HS3ST4: variants seen among roughly 807,000 people sequenced by gnomAD.
HS3ST4 encodes heparan sulfate-glucosamine 3-sulfotransferase 4.
A neutral mutation model predicts 29.2 loss-of-function variants in HS3ST4; 17 were observed. That is an observed-to-expected ratio of 0.58 (90% CI 0.40 to 0.87). The LOEUF is 0.87. Ranked by LOEUF, HS3ST4 falls within the 40% of genes least tolerant of loss-of-function variation. HS3ST4 has a pLI of 0.00. For synonymous variants in HS3ST4, 314 were observed against 285.7 expected (o/e 1.10, Z -1.00); for missense variants, 627 against 634.5 (o/e 0.99, Z 0.13).
intron 1 of HS3ST4, among the ~76,000 whole-genome samples, chr16:25,945,031 A>T (rs571660315): frequency 6.6e-6 from 1 of 152,344 alleles, no homozygotes; most frequent in South Asian, 2.1e-4. Context: ...AACAAAACAG[A>T]ATATTAGATA....
chr16:26,057,924 G>A (rs1373085366), intron 1 of HS3ST4, among the ~76,000 whole-genome samples: 2 of 152,090 alleles, frequency 1.3e-5, no homozygotes, highest in Non-Finnish European at 2.9e-5. Flanking sequence ...GGAGTTTCAG[G>A]AAACATCTCA....
At chr16:25,985,763 T>C (rs997016768) in intron 1 of HS3ST4, among the ~76,000 whole-genome samples, 3 of 152,270 alleles carry the variant, frequency 2.0e-5, no homozygotes, top group African/African-American at 7.2e-5. Context: ...AATGGTTCAC[T>C]ACAGCCTCAA....
At chr16:25,781,331 C>G (rs971879527) in intron 1 of HS3ST4, among the ~76,000 whole-genome samples, 1 of 152,186 alleles carries the variant, frequency 6.6e-6, no homozygotes, top group African/African-American at 2.4e-5. Flanking sequence ...ACACCAGCAC[C>G]CTTAGTTGCT....
Position 25,912,462 on chromosome 16 carries a change from AG to A in HS3ST4, c.734+219313del, listed in dbSNP as rs1968250550. Among the ~76,000 whole-genome samples, 3 of 149,992 alleles carry A rather than the reference AG, an allele frequency of 2.0e-5. No homozygotes were observed. In the South Asian group the frequency reaches 6.5e-4, roughly 32 times the overall value. On this transcript the variant is annotated intron_variant, in intron 1 of 1. Coordinates refer to ENST00000331351, the MANE Select transcript of HS3ST4 (RefSeq NM_006040.3). ...TAAAATGTCACTCCTTCGAGGAGGA[AG>A]GCTGAGTCAGCAGGAGCACTGTCCC... is the stretch of plus-strand genomic sequence containing the variant.
chr16:25,819,119 C>T (rs1967122669), intron 1 of HS3ST4, among the ~76,000 whole-genome samples: 1 of 152,150 alleles, frequency 6.6e-6, no homozygotes. Context: ...CCATTCTCTT[C>T]CTAGGAAGAT....
intron 1 of HS3ST4, among the ~76,000 whole-genome samples, chr16:25,764,661 G>A (rs1415973554): frequency 2.6e-5 from 4 of 152,202 alleles, no homozygotes; most frequent in Admixed American, 2.0e-4. Context: ...AATAGGGATG[G>A]CACATTGATA....
chr16:25,828,618 G>A (rs761192431), intron 1 of HS3ST4, among the ~76,000 whole-genome samples: 13 of 151,952 alleles, frequency 8.6e-5, no homozygotes, highest in African/African-American at 1.2e-4. Context: ...TGGGATTATC[G>A]GTGTCAGCTA....
intron 1 of HS3ST4, among the ~76,000 whole-genome samples, chr16:25,719,408 C>T (rs1567226426): frequency 6.6e-6 from 1 of 152,186 alleles, no homozygotes; most frequent in Non-Finnish European, 1.5e-5. Flanking sequence ...TTAATAAATG[C>T]AAAGTGTGTC....
intron 1 of HS3ST4, among the ~76,000 whole-genome samples, chr16:26,081,621 G>T (rs1898724642): frequency 1.3e-5 from 2 of 152,096 alleles, no homozygotes; most frequent in Non-Finnish European, 2.9e-5. Context: ...GATTGACAAT[G>T]TCTAAACTGA....
chr16:25,882,483 A>G lies in HS3ST4; in HGVS notation c.734+189332A>G, dbSNP rs191634863. 5.1e-4 allele frequency among the ~76,000 whole-genome samples: 78 copies of G among 152,272 alleles called. 1 individual carries two copies. In the East Asian group the frequency reaches 0.014, roughly 27 times the overall value. ...GTTTCAGGCACTTTTTCTCTGGGCCATTAGTTTGCCGATGGTGGATTGTCT... is the reference window on the plus strand; with the variant it reads ...GTTTCAGGCACTTTTTCTCTGGGCCGTTAGTTTGCCGATGGTGGATTGTCT... On this transcript the variant is annotated intron_variant, in intron 1 of 1. Coordinates refer to ENST00000331351, the MANE Select transcript of HS3ST4 (RefSeq NM_006040.3).
At chr16:25,792,380 T>C (rs1966871171) in intron 1 of HS3ST4, among the ~76,000 whole-genome samples, 1 of 151,922 alleles carries the variant, frequency 6.6e-6, no homozygotes, top group East Asian at 1.9e-4. Context: ...TGGTGTTAAA[T>C]AATATAATTT....
chr16:26,069,475 G>A (rs1007071977), intron 1 of HS3ST4, among the ~76,000 whole-genome samples: 15 of 152,148 alleles, frequency 9.9e-5, no homozygotes, highest in African/African-American at 3.6e-4. Flanking sequence ...TAACCTGATG[G>A]AGGATGAAAG....
intron 1 of HS3ST4, among the ~76,000 whole-genome samples, chr16:26,002,512 T>C (rs979891089): frequency 2.6e-5 from 4 of 152,036 alleles, no homozygotes; most frequent in African/African-American, 9.7e-5. Flanking sequence ...TGACTGGAAA[T>C]CTGACTAGCT....
intron 1 of HS3ST4, among the ~76,000 whole-genome samples, chr16:25,864,770 T>G (rs1385331805): frequency 2.0e-5 from 3 of 151,972 alleles, no homozygotes; most frequent in African/African-American, 7.3e-5. Flanking sequence ...TATATATTTA[T>G]TGTGTGTGTG....
At chr16:26,109,973 G>A (rs1322829206) in intron 1 of HS3ST4, among the ~76,000 whole-genome samples, 2 of 152,012 alleles carry the variant, frequency 1.3e-5, no homozygotes, top group Non-Finnish European at 2.9e-5. Flanking sequence ...TATAGTTACT[G>A]TGCTGTATAA....
chr16:26,055,597 C>T (rs1375269375), intron 1 of HS3ST4, among the ~76,000 whole-genome samples: 1 of 152,144 alleles, frequency 6.6e-6, no homozygotes, highest in African/African-American at 2.4e-5. Context: ...CCCACCAATG[C>T]TTAGTTTTGA....
chr16:25,801,978 C>CTTT (rs58964023), intron 1 of HS3ST4, among the ~76,000 whole-genome samples: 47 of 137,240 alleles, frequency 3.4e-4, no homozygotes, highest in African/African-American at 1.2e-3. Flanking sequence ...CAAATATTTT[C>CTTT]TTTTTTTTTT....
chr16:25,727,750 C>T (rs1227376408), intron 1 of HS3ST4, among the ~76,000 whole-genome samples: 1 of 152,134 alleles, frequency 6.6e-6, no homozygotes, highest in African/African-American at 2.4e-5. Flanking sequence ...CTGAATTATG[C>T]CATTCGGTAC....
chr16:26,084,953 T>C (rs28498170), intron 1 of HS3ST4, among the ~76,000 whole-genome samples: 17,555 of 152,088 alleles, frequency 0.12, 1,422 homozygotes, highest in African/African-American at 0.21. Context: ...TTCTTTATCC[T>C]TTGAGTTCCT....
Sources: gnomAD v4.1 joint callset for allele counts (sites outside exome capture counted in the v4.1 genomes callset) on GRCh38, gnomAD v4.1.1 for gene constraint, MANE v1.5 for transcripts, NCBI Gene and HGNC (gene_info 2026-07-23, HGNC 2026-07-21) for gene names.